NLGN1: variants seen among roughly 807,000 people sequenced by gnomAD.
NLGN1 encodes neuroligin-1.
A neutral mutation model predicts 65.5 loss-of-function variants in NLGN1; 12 were observed. That is an observed-to-expected ratio of 0.18 (90% CI 0.12 to 0.30). The LOEUF is 0.30. Among genes scored for constraint, NLGN1 ranks in the 10% least tolerant of loss-of-function variants. NLGN1 has a pLI of 1.00. For synonymous variants in NLGN1, 350 were observed against 359.5 expected, an observed-to-expected ratio of 0.97 and a Z score of 0.30; for missense variants, 750 against 1,007.1, an observed-to-expected ratio of 0.74 and a Z score of 3.46.
chr3:174,104,496 C>G (rs1031255090), intron 4 of NLGN1, among the ~76,000 whole-genome samples: 1 of 152,074 alleles, frequency 6.6e-6, no homozygotes, highest in Non-Finnish European at 1.5e-5. Flanking sequence ...CCTTACTAGG[C>G]ATAGATTATG....
chr3:174,050,550 G>C (rs1476151134), intron 4 of NLGN1, among the ~76,000 whole-genome samples: 1 of 151,982 alleles, frequency 6.6e-6, no homozygotes, highest in East Asian at 1.9e-4. Flanking sequence ...AAAGAAAATA[G>C]TACATCGCTT....
intron 3 of NLGN1, among the ~76,000 whole-genome samples, chr3:173,722,563 A>G (rs1168852291): frequency 6.6e-6 from 1 of 151,916 alleles, no homozygotes; most frequent in Non-Finnish European, 1.5e-5. Flanking sequence ...TTATCTTCAT[A>G]AGTGACTTCA....
chr3:174,063,598 T>C (rs1737864178), intron 4 of NLGN1, among the ~76,000 whole-genome samples: 1 of 152,072 alleles, frequency 6.6e-6, no homozygotes, highest in African/African-American at 2.4e-5. Flanking sequence ...AATTATGTCA[T>C]GAGGTTCTTA....
intron 4 of NLGN1, among the ~76,000 whole-genome samples, chr3:173,832,550 A>G (rs1050595096): frequency 2.0e-5 from 3 of 152,226 alleles, no homozygotes; most frequent in Non-Finnish European, 2.9e-5. Flanking sequence ...ACAAAAAGGT[A>G]TGTATGAAAT....
intron 3 of NLGN1, among the ~76,000 whole-genome samples, chr3:173,676,602 T>C (rs1198851497): frequency 6.6e-6 from 1 of 152,142 alleles, no homozygotes; most frequent in Admixed American, 6.6e-5. Context: ...AATTCATAAA[T>C]TGGAAAATAC....
At chr3:174,249,270 A>G (rs552221120) in intron 4 of NLGN1, among the ~76,000 whole-genome samples, 1 of 152,304 alleles carries the variant, frequency 6.6e-6, no homozygotes, top group East Asian at 1.9e-4. Context: ...TGACTGCTCT[A>G]ATTCACAAGT....
At chr3:174,265,765 ATATATATATATATATATG>A (rs1369481699) in intron 4 of NLGN1, among the ~76,000 whole-genome samples, 6 of 116,924 alleles carry the variant, frequency 5.1e-5, no homozygotes, top group Non-Finnish European at 9.9e-5. Flanking sequence ...TAAGAAGGCT[ATATATATATATATATATG>A]TATATATATA....
intron 4 of NLGN1, among the ~76,000 whole-genome samples, chr3:174,078,928 G>T (rs2152545512): frequency 6.6e-6 from 1 of 152,142 alleles, no homozygotes; most frequent in African/African-American, 2.4e-5. Context: ...CTTAATACTA[G>T]CTGCATTTCT....
intron 4 of NLGN1, among the ~76,000 whole-genome samples, chr3:174,086,047 C>T (rs879869589): frequency 2.7e-4 from 41 of 151,584 alleles, no homozygotes; most frequent in Non-Finnish European, 5.0e-4. Context: ...TTTTAAAAGG[C>T]CAAATAGTAC....
At chr3:173,530,694 A>C (rs1247056433) in intron 2 of NLGN1, among the ~76,000 whole-genome samples, 2 of 152,054 alleles carry the variant, frequency 1.3e-5, no homozygotes, top group Admixed American at 6.6e-5. Context: ...TGGTTCTTTA[A>C]TTTTTCACCT....
intron 3 of NLGN1, among the ~76,000 whole-genome samples, chr3:173,803,523 G>A (rs1715936346): frequency 6.6e-6 from 1 of 152,078 alleles, no homozygotes; most frequent in African/African-American, 2.4e-5. Flanking sequence ...CATGAGAATT[G>A]CTTAAATCTG....
Position 173,964,142 on chromosome 3 carries a change from G to A in NLGN1, c.646+156310G>A, listed in dbSNP as rs531518313. Among the ~76,000 whole-genome samples, 37 of 152,248 alleles carry A rather than the reference G, an allele frequency of 2.4e-4. No homozygotes were observed. The South Asian group carries it at 7.5e-3, about 31-fold the overall frequency. On this transcript the variant is annotated intron_variant, in intron 4 of 6. Transcript: ENST00000457714. Reference sequence around the variant, plus strand: ...TAAACACATCCTATGTGTGGAGAGAGAGAGAAGATTGAGACGTAGGGCAGA... The same window carrying A: ...TAAACACATCCTATGTGTGGAGAGAAAGAGAAGATTGAGACGTAGGGCAGA...
At position 174,020,519 on chromosome 3, in the gene NLGN1, G is replaced by A. The variant is rs557446674; in HGVS notation, c.646+212687G>A. 7.3e-4 allele frequency among the ~76,000 whole-genome samples: 111 copies of A among 152,118 alleles called. 3 individuals carry two copies. The South Asian group carries it at 0.023, about 31-fold the overall frequency. Reference sequence around the variant, plus strand: ...TAAAAAACATTGATGTCTAGGTCTTGATGTACTACTCTCCTTAAAAAGATG... The same window carrying A: ...TAAAAAACATTGATGTCTAGGTCTTAATGTACTACTCTCCTTAAAAAGATG... On this transcript the variant is annotated intron_variant, in intron 4 of 6. Transcript: ENST00000457714.
chr3:173,617,589 CAG>C (rs900202712), intron 3 of NLGN1, among the ~76,000 whole-genome samples: 2 of 152,204 alleles, frequency 1.3e-5, no homozygotes, highest in African/African-American at 4.8e-5. Context: ...AAGCCAACAT[CAG>C]AGTCTTTAAC....
At position 173,591,843 on chromosome 3, in the gene NLGN1, T is replaced by C. The variant is rs1209545225; in HGVS notation, c.-320-12436T>C. On this transcript the variant is annotated intron_variant, in intron 2 of 6. Coordinates refer to ENST00000457714, the Ensembl canonical transcript of NLGN1. ...TGTGCTAGCTTCTCTATAAAGATAC[T>C]AGCAGGCATAATTAAGTTGCTTCTG... is the stretch of plus-strand genomic sequence containing the variant. Among the ~76,000 whole-genome samples, 12 of 152,192 alleles carry C rather than the reference T, an allele frequency of 7.9e-5. 1 individual carries two copies. Among genetic ancestry groups the C allele is most frequent in the Admixed American group, 7.9e-4 (12 of 15,274 alleles).
rs529001458 is a variant in NLGN1, at chr3:173,819,911, G to A, written c.646+12079G>A. 1.4e-4 allele frequency among the ~76,000 whole-genome samples: 21 copies of A among 152,310 alleles called. No homozygotes were observed. In the East Asian group the frequency reaches 4.1e-3, roughly 29 times the overall value. ...AGGTAGAAAGAGTGGCTGGTGGTAT[G>A]GAATGTGGGTAATAAATTGTATTAA... On this transcript the variant is annotated intron_variant, in intron 4 of 6. Transcript: ENST00000457714.
intron 4 of NLGN1, among the ~76,000 whole-genome samples, chr3:173,809,090 A>G (rs1717321092): frequency 9.1e-6 from 1 of 110,332 alleles, no homozygotes; most frequent in South Asian, 2.6e-4. Flanking sequence ...GTGAATGACC[A>G]TAGATGCACT....
chr3:173,986,107 A>T (rs1256836908), intron 4 of NLGN1, among the ~76,000 whole-genome samples: 1 of 152,202 alleles, frequency 6.6e-6, no homozygotes, highest in African/African-American at 2.4e-5. Flanking sequence ...TAATTAGTTA[A>T]GTCGACATGA....
chr3:174,076,721 GAGAGT>G, intron 4 of NLGN1, among the ~76,000 whole-genome samples: 1 of 118,078 alleles, frequency 8.5e-6, no homozygotes, highest in East Asian at 2.7e-4. Context: ...GAGAGAGAGA[GAGAGT>G]GTGTGTGTGT....
Sources: gnomAD v4.1 joint callset for allele counts (sites outside exome capture counted in the v4.1 genomes callset) on GRCh38, gnomAD v4.1.1 for gene constraint, MANE v1.5 for transcripts, NCBI Gene and HGNC (gene_info 2026-07-23, HGNC 2026-07-21) for gene names.